ADD2: variants seen among roughly 807,000 people sequenced by gnomAD.
The protein encoded by ADD2 is beta-adducin.
Under a neutral mutation model 83.0 loss-of-function variants are expected in ADD2, and 23 were observed. That is an observed-to-expected ratio of 0.28 (90% CI 0.20 to 0.39). The LOEUF (loss-of-function observed/expected upper bound fraction) is 0.39. Ranked by LOEUF, ADD2 falls within the 10% of genes least tolerant of loss-of-function variation. The probability of loss-of-function intolerance (pLI) is 1.00; values close to 1 mark genes in which losing one functional copy is unlikely to be tolerated. For synonymous variants in ADD2, 375 were observed against 375.4 expected (o/e 1.00, Z 0.01); for missense variants, 758 against 944.9 (o/e 0.80, Z 2.59).
At chr2:70,755,471 G>A (rs1674723354) in intron 1 of ADD2, among the ~76,000 whole-genome samples, 1 of 152,200 alleles carries the variant, frequency 6.6e-6, no homozygotes, top group Non-Finnish European at 1.5e-5. Flanking sequence ...GAACCTGTTT[G>A]TTTTTATGCT....
Position 70,663,172 on chromosome 2 carries a change from C to T in ADD2, c.*253G>A. The T allele has an allele frequency of 2.1e-6, 1 of 482,978 alleles. No homozygotes were observed. Among genetic ancestry groups the T allele is most frequent in the Non-Finnish European group, 3.7e-6 (1 of 268,146 alleles). The allele number at this position is 482,978 out of a possible 1,614,324, so 29.9% of individuals were successfully genotyped here. A position where few individuals can be genotyped will look rare whatever the true frequency, so the allele number is the denominator to read the frequency against. On this transcript the variant is annotated 3_prime_UTR_variant, in exon 16 of 16. Coordinates refer to ENST00000264436, the MANE Select transcript of ADD2 (RefSeq NM_001617.4). ...GTTGTGTAGTAGAAGGAGCACTGGA[C>T]TGGAAGTCAGGAGACCTGAATTCGA...
At chr2:70,724,037 G>C (rs1672860257) in intron 1 of ADD2, among the ~76,000 whole-genome samples, 1 of 152,266 alleles carries the variant, frequency 6.6e-6, no homozygotes, top group Non-Finnish European at 1.5e-5. Flanking sequence ...AAAGTGCCCA[G>C]TGATGAGGCC....
chr2:70,752,813 G>A (rs1262761485), intron 1 of ADD2, among the ~76,000 whole-genome samples: 3 of 152,156 alleles, frequency 2.0e-5, no homozygotes, highest in African/African-American at 2.4e-5. Flanking sequence ...AGTAAGATCC[G>A]GAGACCAGCA....
rs191784372 is a variant in ADD2 at position 70,706,546 on chromosome 2, C to T, written c.-34-104G>A. On this transcript the variant is annotated intron_variant, in intron 2 of 15. Transcript: ENST00000264436. The surrounding 1 kb of genome is among the most constrained non-coding windows in gnomAD (Gnocchi z 5.0). The stretch of plus-strand genomic sequence containing the variant: ...GTTCAGTTGGATTCTCAGTGGGGTA[C>T]GGCTGTTCCTAGGATGGTAGAGGCA... The T allele has an allele frequency of 7.1e-3, 7,690 of 1,077,558 alleles. 36 individuals carry two copies. Among genetic ancestry groups the T allele is most frequent in the Non-Finnish European group, 8.1e-3 (6,236 of 771,294 alleles). 66.7% of individuals were successfully genotyped at this position (1,077,558 alleles called of 1,614,324 possible).
In ADD2 at chr2:70,696,009, A is replaced by G. The variant is rs531679487; in HGVS notation, c.475-208T>C. On this transcript the variant is annotated intron_variant, in intron 5 of 15. Transcript: ENST00000264436. ...AGGGAGCTACAAAAGGAAACTCACT[A>G]TGATCAAGGGTAGCTCTAGGATAGG... Among the ~76,000 whole-genome samples the G allele has an allele frequency of 3.9e-5, 6 of 152,344 alleles. No homozygotes were observed. In the East Asian group the frequency reaches 1.2e-3, roughly 29 times the overall value.
chr2:70,658,432 T>A lies in ADD2; in HGVS notation c.*4993A>T, dbSNP rs1177523619. On this transcript the variant is annotated 3_prime_UTR_variant, in exon 16 of 16. Transcript: ENST00000264436. ...TGGTGCAAGTGGAAATGTGCACAGA[T>A]AACCAATGTGCACATTTCATGAGTT... 1 of 152,182 alleles carries A rather than the reference T, an allele frequency of 6.6e-6. No homozygotes were observed. Among genetic ancestry groups the A allele is most frequent in the African/African-American group, 2.4e-5 (1 of 41,448 alleles). The allele number at this position is 152,182 out of a possible 1,614,324, so 9.4% of individuals were successfully genotyped here.
At chr2:70,671,792 G>A (rs1553367096) in intron 15 of ADD2, among the ~76,000 whole-genome samples, 1 of 152,134 alleles carries the variant, frequency 6.6e-6, no homozygotes, top group African/African-American at 2.4e-5. Flanking sequence ...GGGAGCTCAG[G>A]GTTGGGGGAT....
At position 70,692,479 on chromosome 2, in the gene ADD2, C is replaced by G. The variant is rs782309836; in HGVS notation, c.629G>C (p.Cys210Ser). The G allele has an allele frequency of 6.2e-7, 1 of 1,613,162 alleles. No individual in the cohort carries two copies. The highest frequency in any genetic ancestry group is 1.1e-5 in the South Asian group (1 of 90,960). The stretch of plus-strand genomic sequence containing the variant: ...CGCTGCATAGATGGCCGAGTGCAGA[C>G]AGAAGCCTGTGGTGTCCACTGGGAA... Reference protein sequence around the residue: ...SCFPVDTTGFCLHSAIYAARP... With the variant: ...SCFPVDTTGFSLHSAIYAARP... The change falls in exon 7 of 16, where the codon TGT (cysteine) becomes TCT (serine). Residue 210 changes from cysteine to serine, a missense_variant. Physicochemically the swap from Cys to Ser is moderately radical, Grantham distance 112. Coordinates refer to ENST00000264436, the MANE Select transcript of ADD2 (RefSeq NM_001617.4).
At chr2:70,750,364 G>C (rs1674448548) in intron 1 of ADD2, among the ~76,000 whole-genome samples, 1 of 152,118 alleles carries the variant, frequency 6.6e-6, no homozygotes, top group Non-Finnish European at 1.5e-5. Flanking sequence ...ATATCCACCT[G>C]AAACCTGTGA....
intron 1 of ADD2, among the ~76,000 whole-genome samples, chr2:70,730,427 C>T (rs1673222358): frequency 6.6e-6 from 1 of 152,206 alleles, no homozygotes; most frequent in Non-Finnish European, 1.5e-5. Flanking sequence ...GACATGGACA[C>T]ACAGGCACAC....
chr2:70,760,641 A>C (rs1553384683), intron 1 of ADD2: 1 of 152,208 alleles, frequency 6.6e-6, no homozygotes, highest in East Asian at 1.9e-4. Context: ...TCCAGGGGGA[A>C]GCAGGGTGTG....
At position 70,696,343 on chromosome 2, in the gene ADD2, G is replaced by A. The variant is rs1671313411; in HGVS notation, c.376C>T (p.Leu126=). 6.2e-7 allele frequency: 1 copy of A among 1,614,170 alleles called. No individual in the cohort carries two copies. The highest frequency in any genetic ancestry group is 8.5e-7 in the Non-Finnish European group (1 of 1,180,038). Residue 126 remains leucine, a synonymous_variant, in exon 5 of 16, where the codon CTG becomes TTG. Coordinates refer to ENST00000264436, the MANE Select transcript of ADD2 (RefSeq NM_001617.4). ...CGCATGAGCCGCTCCCCTTTGGCCA[G>A]GTTCAGGGAGTCAGCTGTGTGGAGG... ...NDLHTADSLN[L]AKGERLMRCK...
intron 10 of ADD2, among the ~76,000 whole-genome samples, chr2:70,679,473 G>A (rs1670349106): frequency 6.6e-6 from 1 of 151,952 alleles, no homozygotes; most frequent in Admixed American, 6.6e-5. Flanking sequence ...TTCCTTCTAG[G>A]AACCCTGAAA....
intron 1 of ADD2, among the ~76,000 whole-genome samples, chr2:70,714,370 C>T (rs1436748357): frequency 2.0e-5 from 3 of 152,066 alleles, no homozygotes; most frequent in Admixed American, 6.5e-5. Flanking sequence ...TGGAGGCATT[C>T]GAAGAGACTC....
In ADD2 at chr2:70,706,340, G is replaced by A; in HGVS notation, c.69C>T (p.Arg23=). The A allele has an allele frequency of 6.2e-7, 1 of 1,613,968 alleles. No homozygotes were observed. ...TGTACTCGGGGTCGTCCTCTGAGAA[G>A]CGGTCAAAGTAAGGCTGCCCCTGCG... ...PPPQGQPYFD[R]FSEDDPEYMR... The change falls in exon 3 of 16, where the codon CGC becomes CGT. Residue 23 remains arginine, a synonymous_variant. Transcript: ENST00000264436. This position sits in a 1 kb window ranked among gnomAD's most constrained non-coding sequence, Gnocchi z 5.0.
Position 70,676,805 on chromosome 2 carries a change from G to C in ADD2, c.1584C>G (p.Ser528Arg), listed in dbSNP as rs782730893. ...GCAGCCTCTGCTCTACCGGGCTTCGGCTCTTCTCGGCAATGACGCTCGCCA... is the reference window on the plus strand; with the variant it reads ...GCAGCCTCTGCTCTACCGGGCTTCGCCTCTTCTCGGCAATGACGCTCGCCA... ...QLLASVIAEK[S>R]RSPSTESQLM... Residue 528 changes from serine (S) to arginine (R), a missense_variant, in exon 13 of 16, where the codon AGC becomes AGG. By Grantham distance (110) the Ser-to-Arg change is moderately radical. Transcript: ENST00000264436. This position sits in a 1 kb window ranked among gnomAD's most constrained non-coding sequence, Gnocchi z 4.8. The C allele has an allele frequency of 1.2e-6, 2 of 1,614,172 alleles. No homozygotes were observed. Among genetic ancestry groups the C allele is most frequent in the Non-Finnish European group, 1.7e-6 (2 of 1,180,030 alleles).
At chr2:70,734,206 A>C (rs1004433737) in intron 1 of ADD2, among the ~76,000 whole-genome samples, 1 of 152,190 alleles carries the variant, frequency 6.6e-6, no homozygotes. Flanking sequence ...AAATGAGTTT[A>C]TCTACATAGA....
At chr2:70,690,103 T>A (rs527670536) in intron 8 of ADD2, among the ~76,000 whole-genome samples, 29 of 74,920 alleles carry the variant, frequency 3.9e-4, no homozygotes, top group Middle Eastern at 0.014. Context: ...AAAAAAAAAA[T>A]TTTTTTTTTT....
Position 70,676,705 on chromosome 2 carries a change from G to C in ADD2, c.1593+91C>G. 1 of 1,576,642 alleles carries C rather than the reference G, an allele frequency of 6.3e-7. No individual in the cohort carries two copies. Among genetic ancestry groups the C allele is most frequent in the South Asian group, 1.1e-5 (1 of 87,324 alleles). On this transcript the variant is annotated intron_variant, in intron 13 of 15. Transcript: ENST00000264436. This position sits in a 1 kb window ranked among gnomAD's most constrained non-coding sequence, Gnocchi z 4.8. ...AGATCACAGGGGAAGGTGGGTATGA[G>C]GACTCAGGGGTCCTGCAACCCAGCC...
Sources: allele counts gnomAD v4.1 joint callset (sites outside exome capture counted in the v4.1 genomes callset), GRCh38; gene constraint gnomAD v4.1.1; non-coding constraint Gnocchi (gnomAD v3.1); transcripts MANE v1.5; gene names NCBI Gene and HGNC (gene_info 2026-07-23, HGNC 2026-07-21).